The following PCDH15 variants were observed in gnomAD, a reference collection of about 807,000 sequenced individuals.
The protein encoded by PCDH15 is protocadherin related 15, also known as protocadherin-15.
In PCDH15, 129 loss-of-function variants were observed where a neutral mutation model predicts 178.5. The ratio of observed to expected loss-of-function variants is 0.72; its 90% confidence interval spans 0.63 to 0.84. PCDH15 has a LOEUF of 0.84. Among genes scored for constraint, PCDH15 ranks in the 40% least tolerant of loss-of-function variants. The pLI, the probability that PCDH15 is intolerant of heterozygous loss-of-function variation, is 0.00. For synonymous variants in PCDH15, 800 were observed against 732.0 expected (o/e 1.09, Z -1.50); for missense variants, 2,230 against 2,099.9 (o/e 1.06, Z -1.21).
chr10:53,938,228 C>A (rs114302277), intron 25 of PCDH15, among the ~76,000 whole-genome samples: 1 of 151,682 alleles, frequency 6.6e-6, no homozygotes, highest in African/African-American at 2.4e-5. Context: ...AAATCTGTGA[C>A]GCTTTGTTTA....
intron 1 of PCDH15, among the ~76,000 whole-genome samples, chr10:54,780,130 A>G (rs551385767): frequency 6.6e-6 from 1 of 152,312 alleles, no homozygotes; most frequent in South Asian, 2.1e-4. Flanking sequence ...TTCATGTAAG[A>G]TAAGTAAGAC....
Position 55,203,096 on chromosome 10 carries a change from C to A in PCDH15, c.-155-36445G>T, listed in dbSNP as rs142449133. Among the ~76,000 whole-genome samples, 360 of 152,194 alleles carry A rather than the reference C, an allele frequency of 2.4e-3. 2 individuals carry two copies. The highest frequency in any genetic ancestry group is 0.017 in the Middle Eastern group (5 of 294). On this transcript the variant is annotated intron_variant, in intron 1 of 5. Coordinates refer to the PCDH15 transcript ENST00000458638. ...TTATCATGCCCCTCTGAGATACCAGCGCCAGCATGCCCTAGTGCCCTCCTG... is the reference window on the plus strand; with the variant it reads ...TTATCATGCCCCTCTGAGATACCAGAGCCAGCATGCCCTAGTGCCCTCCTG...
chr10:55,220,910 A>C (rs1840854738), intron 1 of PCDH15, among the ~76,000 whole-genome samples: 1 of 151,934 alleles, frequency 6.6e-6, no homozygotes, highest in Non-Finnish European at 1.5e-5. Flanking sequence ...TTTCTAGGTA[A>C]AATTTATAAT....
At chr10:54,666,600 T>A (rs2094575380) in intron 1 of PCDH15, among the ~76,000 whole-genome samples, 1 of 151,596 alleles carries the variant, frequency 6.6e-6, no homozygotes, top group South Asian at 2.1e-4. Flanking sequence ...AAAACAAACA[T>A]GACATTAAGA....
At chr10:53,989,805 A>G (rs1274030615) in intron 21 of PCDH15, among the ~76,000 whole-genome samples, 2 of 152,168 alleles carry the variant, frequency 1.3e-5, no homozygotes, top group African/African-American at 4.8e-5. Context: ...CTAAATCAAT[A>G]CAGACTAACA....
chr10:54,470,100 A>G (rs1589581941), intron 3 of PCDH15, among the ~76,000 whole-genome samples: 2 of 152,224 alleles, frequency 1.3e-5, no homozygotes, highest in East Asian at 3.9e-4. Flanking sequence ...TGTGGTATAC[A>G]GGGGTGGAGT....
chr10:55,529,918 A>G (rs1841412753), intron 2 of PCDH15, among the ~76,000 whole-genome samples: 1 of 151,104 alleles, frequency 6.6e-6, no homozygotes, highest in African/African-American at 2.4e-5. Context: ...ATTTACTTAC[A>G]AATTAGTAGG....
chr10:54,700,952 G>A (rs2095302163), intron 1 of PCDH15, among the ~76,000 whole-genome samples: 3 of 152,048 alleles, frequency 2.0e-5, no homozygotes, highest in Admixed American at 6.6e-5. Context: ...AATGTTAAAT[G>A]CTGCTAGAAA....
At chr10:54,353,688 T>G (rs1435067791) in intron 5 of PCDH15, among the ~76,000 whole-genome samples, 1 of 152,102 alleles carries the variant, frequency 6.6e-6, no homozygotes, top group African/African-American at 2.4e-5. Flanking sequence ...TATTTTATTC[T>G]GTTTCATTAA....
At chr10:55,520,590 T>C (rs1841152233) in intron 2 of PCDH15, among the ~76,000 whole-genome samples, 1 of 150,556 alleles carries the variant, frequency 6.6e-6, no homozygotes, top group South Asian at 2.1e-4. Flanking sequence ...TCATTCTTAT[T>C]CTAGGAACAG....
intron 14 of PCDH15, among the ~76,000 whole-genome samples, chr10:54,144,615 C>A (rs12257654): frequency 0.015 from 2,344 of 152,214 alleles, 75 homozygotes; most frequent in African/African-American, 0.054. Context: ...TCTCCCATCG[C>A]CTCAGCGGCA....
intron 1 of PCDH15, among the ~76,000 whole-genome samples, chr10:54,701,000 C>T (rs766752560): frequency 5.3e-5 from 8 of 152,054 alleles, no homozygotes; most frequent in Non-Finnish European, 1.2e-4. Flanking sequence ...CTACATCAGG[C>T]AAACAGTGGA....
intron 1 of PCDH15, among the ~76,000 whole-genome samples, chr10:55,214,795 T>A (rs1038660288): frequency 2.0e-5 from 3 of 151,924 alleles, no homozygotes; most frequent in Non-Finnish European, 4.4e-5. Context: ...TGTACCCTGT[T>A]TAACCAGTCT....
intron 8 of PCDH15, among the ~76,000 whole-genome samples, chr10:54,271,411 A>G (rs2058042021): frequency 6.6e-6 from 1 of 151,934 alleles, no homozygotes; most frequent in Non-Finnish European, 1.5e-5. Flanking sequence ...GGTGTCACCA[A>G]ATTGGCGAGG....
chr10:55,092,330 T>A (rs1463912679), intron 2 of PCDH15, among the ~76,000 whole-genome samples: 1 of 151,864 alleles, frequency 6.6e-6, no homozygotes, highest in Non-Finnish European at 1.5e-5. Context: ...AGGTTCTATA[T>A]GAACTCTGTA....
At chr10:54,570,587 T>G (rs1241325533) in intron 2 of PCDH15, among the ~76,000 whole-genome samples, 1 of 152,146 alleles carries the variant, frequency 6.6e-6, no homozygotes, top group Non-Finnish European at 1.5e-5. Flanking sequence ...ATATTTATTC[T>G]ATTATTAAGT....
At chr10:54,152,425 T>A (rs1188664048) in intron 14 of PCDH15, among the ~76,000 whole-genome samples, 1 of 152,052 alleles carries the variant, frequency 6.6e-6, no homozygotes, top group East Asian at 1.9e-4. Flanking sequence ...CATAGTTTTA[T>A]ACTTATTAAG....
chr10:53,845,255 G>A (rs2077897089), intron 28 of PCDH15, among the ~76,000 whole-genome samples: 1 of 151,738 alleles, frequency 6.6e-6, no homozygotes, highest in African/African-American at 2.4e-5. Flanking sequence ...GGAGAAGGAG[G>A]AACATTTATA....
intron 28 of PCDH15, among the ~76,000 whole-genome samples, chr10:53,845,514 G>GTA (rs745803398): frequency 2.6e-4 from 39 of 151,700 alleles, no homozygotes; most frequent in Non-Finnish European, 4.9e-4. Context: ...AGCAAATACA[G>GTA]TATATATATA....
Sources: allele counts gnomAD v4.1 joint callset (sites outside exome capture counted in the v4.1 genomes callset), GRCh38; gene constraint gnomAD v4.1.1; transcripts MANE v1.5; gene names NCBI Gene and HGNC (gene_info 2026-07-23, HGNC 2026-07-21).